The following OSBPL10 variants were observed in gnomAD, a reference collection of about 807,000 sequenced individuals.
OSBPL10 encodes the protein oxysterol binding protein like 10, also known as oxysterol-binding protein-related protein 10.
A neutral mutation model predicts 81.7 loss-of-function variants in OSBPL10; 49 were observed. The observed-to-expected ratio is 0.60, with a 90% CI of 0.48 to 0.76. The LOEUF is 0.76. Ranked by LOEUF, OSBPL10 falls within the 30% of genes least tolerant of loss-of-function variation. The probability of loss-of-function intolerance (pLI) is 0.00; values close to 1 mark genes in which losing one functional copy is unlikely to be tolerated. For missense variants in OSBPL10, 923 were observed against 987.8 expected, an observed-to-expected ratio of 0.93 and a Z score of 0.88; for synonymous variants, 419 against 383.6, an observed-to-expected ratio of 1.09 and a Z score of -1.08.
At chr3:31,789,291 G>A (rs1042711786) in intron 4 of OSBPL10, among the ~76,000 whole-genome samples, 1 of 152,178 alleles carries the variant, frequency 6.6e-6, no homozygotes, top group Admixed American at 6.5e-5. Flanking sequence ...TCTGTGGTCT[G>A]AAAACTCTTC....
chr3:31,905,587 T>C (rs1696385614), intron 1 of OSBPL10, among the ~76,000 whole-genome samples: 1 of 151,934 alleles, frequency 6.6e-6, no homozygotes, highest in Non-Finnish European at 1.5e-5. Flanking sequence ...TGACCTCAAG[T>C]GATCCACCTG....
intron 2 of OSBPL10, among the ~76,000 whole-genome samples, chr3:31,993,251 C>A (rs1699053823): frequency 6.6e-6 from 1 of 150,682 alleles, no homozygotes; most frequent in Non-Finnish European, 1.5e-5. Context: ...CTCTTGTTGA[C>A]CAGGCTGGAG....
chr3:31,748,009 T>C lies in OSBPL10; in HGVS notation c.841A>G (p.Thr281Ala). The change falls in exon 5 of 12, where the codon ACC (threonine) becomes GCC (alanine). Residue 281 changes from threonine to alanine, a missense_variant. Around this residue, in one of 3 missense-constraint regions of OSBPL10, gnomAD observed 514 missense variants for 508.0 expected, o/e 1.01. Transcript: ENST00000396556. ...AGGCAGCTGAGGGTGGCAGCAGAGG[T>C]AGCTTTCAGGAGCAGCAGGTCCTGG... ...LDQDLLLLKATSAATLSCLGE... is the reference protein window; with the variant it reads ...LDQDLLLLKAASAATLSCLGE... 6.2e-7 allele frequency: 1 copy of C among 1,614,098 alleles called. No individual in the cohort carries two copies. The highest frequency in any genetic ancestry group is 1.1e-5 in the South Asian group (1 of 91,074).
chr3:31,738,915 TA>T lies in OSBPL10; in HGVS notation c.941-5505del, dbSNP rs757356543. Among the ~76,000 whole-genome samples, 268 of 148,814 alleles carry T rather than the reference TA, an allele frequency of 1.8e-3. 1 individual carries two copies. Among genetic ancestry groups the T allele is most frequent in the Middle Eastern group, 3.4e-3 (1 of 290 alleles). On this transcript the variant is annotated intron_variant, in intron 5 of 11. Transcript: ENST00000396556. Reference sequence around the variant, plus strand: ...ATGGGGATGTCATATACATATATATTAAAAAAAAAACTGGTAGTAAGCAATG... The same window carrying T: ...ATGGGGATGTCATATACATATATATTAAAAAAAAACTGGTAGTAAGCAATG...
intron 1 of OSBPL10, among the ~76,000 whole-genome samples, chr3:31,938,128 C>T (rs1355370424): frequency 6.6e-6 from 1 of 152,142 alleles, no homozygotes; most frequent in African/African-American, 2.4e-5. Flanking sequence ...ATCTCTCATG[C>T]CACCTCTCCC....
intron 4 of OSBPL10, among the ~76,000 whole-genome samples, chr3:31,760,464 T>A (rs919206138): frequency 6.6e-6 from 1 of 152,244 alleles, no homozygotes; most frequent in Non-Finnish European, 1.5e-5. Context: ...TCCCATATGC[T>A]TTAGATCATC....
At chr3:32,071,024 C>T (rs1392749454) in intron 1 of OSBPL10, among the ~76,000 whole-genome samples, 1 of 152,194 alleles carries the variant, frequency 6.6e-6, no homozygotes, top group Non-Finnish European at 1.5e-5. Context: ...TGCTTCTCAC[C>T]TTATTCAATA....
intron 1 of OSBPL10, among the ~76,000 whole-genome samples, chr3:32,050,028 G>A (rs1699657503): frequency 6.6e-6 from 1 of 152,174 alleles, no homozygotes. Flanking sequence ...GATTTGTGAG[G>A]CTAGTCTTAA....
chr3:31,671,115 G>GAT, intron 8 of OSBPL10, 132 bp from the exon 9 acceptor site: 2 of 869,454 alleles, frequency 2.3e-6, no homozygotes, highest in Non-Finnish European at 3.4e-6. Flanking sequence ...GCAGAGGTGA[G>GAT]CTGCTCGTTC....
intron 4 of OSBPL10, among the ~76,000 whole-genome samples, chr3:31,816,980 C>T (rs1016553645): frequency 3.9e-5 from 6 of 152,304 alleles, no homozygotes; most frequent in Admixed American, 3.3e-4. Context: ...CTCATCATCC[C>T]ATCTCTCTGC....
chr3:31,962,653 C>T lies in OSBPL10; in HGVS notation c.281+18246G>A, dbSNP rs369875545. ...AGAAATGTACAGTTAGGGTTTCAAT[C>T]GCTCCCATTACACTAAGTTGTAACG... On this transcript the variant is annotated intron_variant, in intron 1 of 11. Transcript: ENST00000396556. Among the ~76,000 whole-genome samples, 13 of 152,212 alleles carry T rather than the reference C, an allele frequency of 8.5e-5. No homozygotes were observed. In the East Asian group the frequency reaches 1.9e-3, roughly 23 times the overall value.
intron 4 of OSBPL10, among the ~76,000 whole-genome samples, chr3:31,764,253 T>C (rs938397508): frequency 2.0e-5 from 3 of 152,230 alleles, no homozygotes; most frequent in Non-Finnish European, 2.9e-5. Context: ...ATGAACTCAC[T>C]ATAACGAATA....
intron 7 of OSBPL10, among the ~76,000 whole-genome samples, chr3:31,694,138 A>G (rs1038625613): frequency 3.9e-5 from 6 of 152,298 alleles, no homozygotes; most frequent in South Asian, 2.1e-4. Flanking sequence ...TGGGAGGCCA[A>G]GGCAGGCAGA....
intron 3 of OSBPL10, among the ~76,000 whole-genome samples, chr3:31,843,646 C>T (rs1700558221): frequency 6.6e-6 from 1 of 152,048 alleles, no homozygotes; most frequent in Non-Finnish European, 1.5e-5. Context: ...CCTTTGCTGC[C>T]CCAATTTATT....
intron 2 of OSBPL10, among the ~76,000 whole-genome samples, chr3:32,012,373 T>C (rs977452490): frequency 6.6e-6 from 1 of 152,100 alleles, no homozygotes; most frequent in African/African-American, 2.4e-5. Flanking sequence ...AATAAAATAC[T>C]TTACAGACAA....
intron 8 of OSBPL10, among the ~76,000 whole-genome samples, chr3:31,679,750 G>C (rs1169851595): frequency 2.0e-5 from 3 of 152,110 alleles, no homozygotes; most frequent in Non-Finnish European, 4.4e-5. Context: ...AAAAGGAAAA[G>C]ATTTTTTACC....
chr3:31,920,653 G>A (rs1696887468), intron 1 of OSBPL10, among the ~76,000 whole-genome samples: 1 of 152,226 alleles, frequency 6.6e-6, no homozygotes, highest in African/African-American at 2.4e-5. Context: ...CAAATCTCAT[G>A]TTGGAATGTG....
intron 1 of OSBPL10, among the ~76,000 whole-genome samples, chr3:31,923,685 G>C (rs563838543): frequency 1.3e-5 from 2 of 152,272 alleles, no homozygotes; most frequent in Middle Eastern, 3.4e-3. Flanking sequence ...TACTCAGGAG[G>C]CTGAGGCAGA....
At chr3:31,693,136 AAG>A (rs1695605257) in intron 7 of OSBPL10, among the ~76,000 whole-genome samples, 1 of 152,190 alleles carries the variant, frequency 6.6e-6, no homozygotes, top group African/African-American at 2.4e-5. Flanking sequence ...GGGATCTGGC[AAG>A]AGAAGTGGAA....
Sources: allele counts gnomAD v4.1 joint callset (sites outside exome capture counted in the v4.1 genomes callset), GRCh38; gene constraint gnomAD v4.1.1; regional missense constraint gnomAD v4.1.1; transcripts MANE v1.5; gene names NCBI Gene and HGNC (gene_info 2026-07-23, HGNC 2026-07-21).